Variants in CCDC38 observed in about 807,000 individuals in gnomAD.
The protein encoded by CCDC38 is coiled-coil domain-containing protein 38.
Under a neutral mutation model 72.8 loss-of-function variants are expected in CCDC38, and 69 were observed. That is an observed-to-expected ratio of 0.95 (90% confidence interval 0.78 to 1.16). The LOEUF is 1.16. Ranked by LOEUF, CCDC38 falls within the 50% of genes most tolerant of loss-of-function variation. CCDC38 has a pLI of 0.00. For missense variants in CCDC38, 626 were observed against 638.9 expected, an observed-to-expected ratio of 0.98 and a Z score of 0.22; for synonymous variants, 201 against 213.2, an observed-to-expected ratio of 0.94 and a Z score of 0.50.
chr12:95,882,174 C>T (rs914871927), intron 10 of CCDC38, among the ~76,000 whole-genome samples: 1 of 152,080 alleles, frequency 6.6e-6, no homozygotes, highest in African/African-American at 2.4e-5. Context: ...ATTAAAGAAG[C>T]AGGGATAGGG....
intron 2 of CCDC38, among the ~76,000 whole-genome samples, chr12:95,928,209 C>G (rs1379538003): frequency 6.6e-6 from 1 of 151,998 alleles, no homozygotes. Flanking sequence ...TTCACATAGT[C>G]CCATATTTCT....
intron 2 of CCDC38, among the ~76,000 whole-genome samples, chr12:95,927,907 C>A (rs2080290631): frequency 6.7e-6 from 1 of 150,098 alleles, no homozygotes; most frequent in Non-Finnish European, 1.5e-5. Context: ...CCGAGAGATC[C>A]ACTGTTAGTC....
At position 95,878,161 on chromosome 12, in the gene CCDC38, A is replaced by C. The variant is rs75079154; in HGVS notation, c.1278+50T>G. Reference sequence around the variant, plus strand: ...CATACTTAGGACACAGGGAATAAAAATTATAATCATGAGCCAAAATGAAAT... The same window carrying C: ...CATACTTAGGACACAGGGAATAAAACTTATAATCATGAGCCAAAATGAAAT... On this transcript the variant is annotated intron_variant, in intron 13 of 15. Transcript: ENST00000344280. 1,849 of 1,601,368 alleles carry C rather than the reference A, an allele frequency of 1.2e-3. 30 individuals carry two copies. The African/African-American group carries it at 0.022, about 19-fold the overall frequency.
intron 6 of CCDC38, 41 bp downstream of exon 6, chr12:95,898,527 A>G (rs2079916121): frequency 6.2e-7 from 1 of 1,613,828 alleles, no homozygotes; most frequent in Admixed American, 1.7e-5. Flanking sequence ...ACAAACAAAC[A>G]AAAGAGGTGG....
At chr12:95,890,025 C>T (rs925500934) in intron 9 of CCDC38, among the ~76,000 whole-genome samples, 1 of 152,126 alleles carries the variant, frequency 6.6e-6, no homozygotes, top group African/African-American at 2.4e-5. Context: ...GATCCTCCTA[C>T]CTCAACCTCC....
At position 95,936,410 on chromosome 12, in the gene CCDC38, A is replaced by C. The variant is rs1324778511; in HGVS notation, c.37+63T>G. ...ACATTCTCCTTTTCTTATGCTCACA[A>C]TCTGTTATGGAGCCTAACACTGCCA... On this transcript the variant is annotated intron_variant, in intron 2 of 15. Transcript: ENST00000344280. 4.1e-6 allele frequency: 6 copies of C among 1,446,144 alleles called. No homozygotes were observed. The East Asian group carries it at 1.4e-4, about 33-fold the overall frequency. The allele number at this position is 1,446,144 out of a possible 1,614,324, so 89.6% of individuals were successfully genotyped here.
intron 2 of CCDC38, among the ~76,000 whole-genome samples, chr12:95,932,088 C>T (rs755725897): frequency 9.9e-5 from 15 of 152,010 alleles, no homozygotes; most frequent in Non-Finnish European, 1.9e-4. Context: ...GGCAATGACC[C>T]TCAGTAAACC....
At chr12:95,887,191 GAAAC>G (rs376131682) in intron 10 of CCDC38, among the ~76,000 whole-genome samples, 11 of 145,490 alleles carry the variant, frequency 7.6e-5, no homozygotes, top group African/African-American at 1.8e-4. Context: ...TTTCAAAAAG[GAAAC>G]AAACAAACAA....
chr12:95,899,643 A>G (rs11108323), intron 5 of CCDC38, among the ~76,000 whole-genome samples: 12,943 of 152,304 alleles, frequency 0.085, 771 homozygotes, highest in Non-Finnish European at 0.12. Context: ...TAAATCATAA[A>G]TAAGGCCACA....
In CCDC38 at chr12:95,879,555, C is replaced by A; in HGVS notation, c.1142+89G>T. On this transcript the variant is annotated intron_variant, in intron 12 of 15. Coordinates refer to ENST00000344280, the MANE Select transcript of CCDC38 (RefSeq NM_182496.3). This position sits in a 1 kb window ranked among gnomAD's most constrained non-coding sequence, Gnocchi z 5.5. ...CCCCAGCCTACATTCACAGAGACCA[C>A]GAGGAAGAGCCACATGTGAGTGAGT... is the stretch of plus-strand genomic sequence containing the variant. 1.1e-6 allele frequency: 1 copy of A among 887,930 alleles called. No individual in the cohort carries two copies. The highest frequency in any genetic ancestry group is 1.7e-6 in the Non-Finnish European group (1 of 578,314). The allele number at this position is 887,930 out of a possible 1,614,324, so 55.0% of individuals were successfully genotyped here. A position where few individuals can be genotyped will look rare whatever the true frequency, so the allele number is the denominator to read the frequency against.
chr12:95,878,866 A>T (rs1386542051), intron 12 of CCDC38, among the ~76,000 whole-genome samples: 2 of 152,220 alleles, frequency 1.3e-5, no homozygotes, highest in Non-Finnish European at 2.9e-5. Context: ...TACAAGGATT[A>T]AAAAGTCTCA....
At chr12:95,870,705 G>GT (rs1193687094) in intron 14 of CCDC38, among the ~76,000 whole-genome samples, 2 of 151,982 alleles carry the variant, frequency 1.3e-5, no homozygotes, top group African/African-American at 4.8e-5. Context: ...TTCATTTATA[G>GT]TTTTTTTTAA....
intron 3 of CCDC38, among the ~76,000 whole-genome samples, chr12:95,918,630 C>T (rs951981953): frequency 6.6e-6 from 1 of 152,210 alleles, no homozygotes; most frequent in Non-Finnish European, 1.5e-5. Flanking sequence ...GTGTACCATA[C>T]GTGTCCTACT....
At chr12:95,910,291 C>A (rs920092763) in intron 4 of CCDC38, among the ~76,000 whole-genome samples, 1 of 141,960 alleles carries the variant, frequency 7.0e-6, no homozygotes, top group African/African-American at 2.6e-5. Flanking sequence ...AGAATGCAAT[C>A]CCATTTACAT....
At chr12:95,941,724 A>C (rs2080452929) in intron 1 of CCDC38, among the ~76,000 whole-genome samples, 1 of 152,164 alleles carries the variant, frequency 6.6e-6, no homozygotes, top group South Asian at 2.1e-4. Flanking sequence ...TCTATTCCCC[A>C]CTATTTCTAC....
intron 2 of CCDC38, among the ~76,000 whole-genome samples, chr12:95,926,579 G>A (rs556577430): frequency 2.0e-4 from 30 of 152,022 alleles, no homozygotes; most frequent in African/African-American, 7.0e-4. Context: ...CTTGCCTTCC[G>A]CTAGCTTATG....
At chr12:95,915,545 T>A (rs2080135642) in intron 4 of CCDC38, among the ~76,000 whole-genome samples, 1 of 152,172 alleles carries the variant, frequency 6.6e-6, no homozygotes, top group African/African-American at 2.4e-5. Context: ...ACACAAAAAA[T>A]TAAAGTCACC....
intron 13 of CCDC38, among the ~76,000 whole-genome samples, chr12:95,873,934 T>C (rs778822057): frequency 5.9e-5 from 9 of 152,362 alleles, no homozygotes; most frequent in South Asian, 2.1e-4. Context: ...GTAACACTTA[T>C]TATATTTCCT....
At chr12:95,906,364 G>A (rs1461371229) in intron 5 of CCDC38, 23 bp downstream of exon 5, 2 of 1,533,554 alleles carry the variant, frequency 1.3e-6, no homozygotes, top group East Asian at 4.5e-5. Context: ...ACTTGGCTAG[G>A]GGAGAAAAGT....
Sources: gnomAD v4.1 joint callset for allele counts (sites outside exome capture counted in the v4.1 genomes callset) on GRCh38, gnomAD v4.1.1 for gene constraint, Gnocchi (gnomAD v3.1) non-coding constraint, MANE v1.5 for transcripts, NCBI Gene and HGNC (gene_info 2026-07-23, HGNC 2026-07-21) for gene names.